The following MDN1 variants were observed in gnomAD, a reference collection of about 807,000 sequenced individuals.
MDN1 encodes the protein midasin.
A neutral mutation model predicts 669.2 loss-of-function variants in MDN1; 266 were observed. The observed-to-expected ratio is 0.40, with a 90% CI of 0.36 to 0.44. MDN1 has a LOEUF of 0.44. Ranked by LOEUF, MDN1 falls within the 20% of genes least tolerant of loss-of-function variation. MDN1 has a pLI of 1.00. For missense variants in MDN1, 5,940 were observed against 6,754.0 expected, an observed-to-expected ratio of 0.88 and a Z score of 4.22; for synonymous variants, 2,385 against 2,457.1, an observed-to-expected ratio of 0.97 and a Z score of 0.87.
intron 1 of MDN1, among the ~76,000 whole-genome samples, chr6:89,805,573 A>C (rs916368468): frequency 4.6e-5 from 7 of 152,124 alleles, no homozygotes; most frequent in Admixed American, 3.3e-4. Flanking sequence ...GATGAGGAGG[A>C]GGCTCACCCT....
chr6:89,771,396 T>A lies in MDN1; in HGVS notation c.2144+165A>T, dbSNP rs1001632365. Among the ~76,000 whole-genome samples the A allele has an allele frequency of 2.0e-5, 3 of 152,148 alleles. 1 individual carries two copies. The highest frequency in any genetic ancestry group is 1.3e-4 in the Admixed American group (2 of 15,258). Reference sequence around the variant, plus strand: ...CAGCCACAGAATTCTCTCTTTTGTGTCCCTGGTACCCTGCCAAAAGCTCCA... The same window carrying A: ...CAGCCACAGAATTCTCTCTTTTGTGACCCTGGTACCCTGCCAAAAGCTCCA... On this transcript the variant is annotated intron_variant, in intron 15 of 101. Coordinates refer to ENST00000369393, the MANE Select transcript of MDN1 (RefSeq NM_014611.3).
intron 51 of MDN1, among the ~76,000 whole-genome samples, chr6:89,708,048 C>A (rs935825399): frequency 3.3e-5 from 5 of 152,034 alleles, no homozygotes; most frequent in African/African-American, 4.8e-5. Context: ...ACACCTATAA[C>A]CCCGGCACTT....
At chr6:89,680,887 A>G in intron 73 of MDN1, 136 bp from the exon 74 acceptor site, 3 of 948,194 alleles carry the variant, frequency 3.2e-6, no homozygotes, top group Non-Finnish European at 4.6e-6. Flanking sequence ...GCATCACTAA[A>G]ATTAAAAGAG....
rs1310100114 is a variant in MDN1 at position 89,803,891 on chromosome 6, TTTTC to T, written c.103-341_103-338del. On this transcript the variant is annotated intron_variant, in intron 1 of 101. Coordinates refer to ENST00000369393, the MANE Select transcript of MDN1 (RefSeq NM_014611.3). ...CCACCGCGCCCGGCCTTTTCTTTTC[TTTTC>T]TTTTTTTTTTTTTTTTTTTTTTTGG... Among the ~76,000 whole-genome samples the T allele has an allele frequency of 1.7e-3, 106 of 61,298 alleles. 1 individual carries two copies. Among genetic ancestry groups the T allele is most frequent in the African/African-American group, 5.3e-3 (95 of 18,002 alleles). The allele number at this position is 61,298 out of a possible 152,430, so 40.2% of individuals were successfully genotyped here. A position where few individuals can be genotyped will look rare whatever the true frequency, so the allele number is the denominator to read the frequency against.
Position 89,722,964 on chromosome 6 carries a change from G to A in MDN1, c.5958C>T (p.Asp1986=), listed in dbSNP as rs1392916316. 6.3e-7 allele frequency: 1 copy of A among 1,583,488 alleles called. No homozygotes were observed. The highest frequency in any genetic ancestry group is 1.2e-5 in the South Asian group (1 of 86,076). Residue 1986 remains aspartate, a synonymous_variant, in exon 40 of 102, where the codon GAC becomes GAT. Transcript: ENST00000369393. The part of the protein sequence containing the change: ...VYGERMRTEE[D]KKKVIAVFKD... ...CAAGCGTGAAACTCACCTTTTTTTTGTCCTCTTCGGTTCTCATTCTTTCAC... is the reference window on the plus strand; with the variant it reads ...CAAGCGTGAAACTCACCTTTTTTTTATCCTCTTCGGTTCTCATTCTTTCAC...
Position 89,695,102 on chromosome 6 carries a change from G to A in MDN1, c.9771+503C>T, listed in dbSNP as rs192698041. Reference sequence around the variant, plus strand: ...ACAAAAATTAGCCAGGCGTGGTAGCGGGTTCCTGTAATCCCAGCTACTCGG... The same window carrying A: ...ACAAAAATTAGCCAGGCGTGGTAGCAGGTTCCTGTAATCCCAGCTACTCGG... On this transcript the variant is annotated intron_variant, in intron 61 of 101. Coordinates refer to ENST00000369393, the MANE Select transcript of MDN1 (RefSeq NM_014611.3). The surrounding 1 kb of genome is among the most constrained non-coding windows in gnomAD (Gnocchi z 4.1). Among the ~76,000 whole-genome samples, 11 of 152,154 alleles carry A rather than the reference G, an allele frequency of 7.2e-5. No homozygotes were observed. Among genetic ancestry groups the A allele is most frequent in the African/African-American group, 1.9e-4 (8 of 41,532 alleles).
intron 71 of MDN1, 68 bp downstream of exon 71, chr6:89,684,808 A>C: frequency 1.0e-6 from 1 of 975,124 alleles, no homozygotes; most frequent in Non-Finnish European, 1.6e-6. Flanking sequence ...AATGGATAAC[A>C]GGGTTAACGA....
chr6:89,769,069 G>A (rs2128322186), intron 15 of MDN1, among the ~76,000 whole-genome samples: 1 of 151,664 alleles, frequency 6.6e-6, no homozygotes. Flanking sequence ...AAAAAAAAAA[G>A]ATCCGAATTT....
Position 89,718,495 on chromosome 6 carries a change from G to A in MDN1, c.6454C>T (p.Leu2152=). ...VVLRAWSHFL[L]TYKPKCLGEG... Reference sequence around the variant, plus strand: ...CCAAGACACTTAGGCTTATATGTCAGAAGAAAATGACTCCAGGCTCGCAGC... The same window carrying A: ...CCAAGACACTTAGGCTTATATGTCAAAAGAAAATGACTCCAGGCTCGCAGC... The change falls in exon 43 of 102, where the codon CTG becomes TTG. Residue 2152 remains leucine (L), a synonymous_variant. Coordinates refer to ENST00000369393, the MANE Select transcript of MDN1 (RefSeq NM_014611.3). 6.2e-7 allele frequency: 1 copy of A among 1,614,170 alleles called. No homozygotes were observed. Among genetic ancestry groups the A allele is most frequent in the Non-Finnish European group, 8.5e-7 (1 of 1,180,034 alleles).
intron 1 of MDN1, 35 bp downstream of exon 1, chr6:89,819,471 C>T: frequency 1.3e-6 from 2 of 1,580,556 alleles, no homozygotes; most frequent in Non-Finnish European, 1.7e-6. Context: ...GCGACCCAGT[C>T]GTTCCGGCGC....
At chr6:89,677,016 C>CAAAA (rs577064668) in intron 76 of MDN1, among the ~76,000 whole-genome samples, 1 of 80,266 alleles carries the variant, frequency 1.2e-5, no homozygotes. Flanking sequence ...AATCAAAAGG[C>CAAAA]AAAAAAAAAA....
intron 26 of MDN1, among the ~76,000 whole-genome samples, chr6:89,748,075 C>T (rs138660191): frequency 2.3e-4 from 35 of 151,692 alleles, no homozygotes; most frequent in African/African-American, 8.2e-4. Context: ...ACCTGTAATC[C>T]CAGCACTTTG....
chr6:89,688,470 T>G, intron 66 of MDN1, 103 bp downstream of exon 66: 1 of 1,001,418 alleles, frequency 1.0e-6, no homozygotes, highest in Non-Finnish European at 1.5e-6. Flanking sequence ...CCTTTGTTTA[T>G]ATGTATATAT....
rs955707124 is a variant in MDN1 at position 89,690,581 on chromosome 6, G to A, written c.10749+92C>T. ...TCTAAAATACATACATACAGAGAGA[G>A]AGATAAAGAGGAAGAGAGAAAGCCA... is the stretch of plus-strand genomic sequence containing the variant. On this transcript the variant is annotated intron_variant, in intron 64 of 101. Coordinates refer to ENST00000369393, the MANE Select transcript of MDN1 (RefSeq NM_014611.3). 8.2e-6 allele frequency: 12 copies of A among 1,465,244 alleles called. No homozygotes were observed. The East Asian group carries it at 2.3e-4, about 28-fold the overall frequency. The allele number at this position is 1,465,244 out of a possible 1,614,324, so 90.8% of individuals were successfully genotyped here. A position where few individuals can be genotyped will look rare whatever the true frequency, so the allele number is the denominator to read the frequency against.
intron 74 of MDN1, among the ~76,000 whole-genome samples, chr6:89,679,071 C>T (rs1191082062): frequency 6.6e-6 from 1 of 152,208 alleles, no homozygotes; most frequent in Non-Finnish European, 1.5e-5. Context: ...TGAGCACCAA[C>T]TATGTGCAGT....
In MDN1 at chr6:89,701,556, AC is replaced by A; in HGVS notation, c.8427+1del. 6.2e-7 allele frequency: 1 copy of A among 1,613,850 alleles called. No homozygotes were observed. Among genetic ancestry groups the A allele is most frequent in the Non-Finnish European group, 8.5e-7 (1 of 1,179,922 alleles). On this transcript the variant is annotated splice_donor_variant, in intron 55 of 101. Transcript: ENST00000369393. LOFTEE classifies it high-confidence loss of function. ...TTATTTACTAAATGCTTCCAGGTGT[AC>A]CTTAAAAGGAAACGGTCGTCCCAGG...
chr6:89,757,676 C>T (rs1817322678), intron 19 of MDN1, among the ~76,000 whole-genome samples: 3 of 152,038 alleles, frequency 2.0e-5, no homozygotes, highest in Admixed American at 1.3e-4. Flanking sequence ...TGTGGGAGGT[C>T]GAGGCAGGCA....
chr6:89,698,765 T>G, intron 59 of MDN1, 100 bp downstream of exon 59: 4 of 1,172,862 alleles, frequency 3.4e-6, no homozygotes, highest in Non-Finnish European at 4.9e-6. Flanking sequence ...ATCACCTGTT[T>G]AGTCACCACT....
intron 9 of MDN1, among the ~76,000 whole-genome samples, chr6:89,782,257 C>G (rs547272991): frequency 1.3e-5 from 2 of 152,234 alleles, no homozygotes; most frequent in Non-Finnish European, 2.9e-5. Context: ...TATTTAATTT[C>G]AAACACAGCT....
Sources: allele counts gnomAD v4.1 joint callset (sites outside exome capture counted in the v4.1 genomes callset), GRCh38; gene constraint gnomAD v4.1.1; non-coding constraint Gnocchi (gnomAD v3.1); transcripts MANE v1.5; gene names NCBI Gene and HGNC (gene_info 2026-07-23, HGNC 2026-07-21).